Variants in IQGAP2 observed in about 807,000 individuals in gnomAD.
IQGAP2 encodes the protein ras GTPase-activating-like protein IQGAP2.
In IQGAP2, 173 loss-of-function variants were observed where a neutral mutation model predicts 201.3. The ratio of observed to expected loss-of-function variants is 0.86; its 90% CI spans 0.76 to 0.98. The LOEUF (loss-of-function observed/expected upper bound fraction) is 0.98. Ranked by LOEUF, IQGAP2 falls within the 50% of genes least tolerant of loss-of-function variation. IQGAP2 has a pLI of 0.00. For synonymous variants in IQGAP2, 675 were observed against 673.9 expected (o/e 1.00, Z -0.03); for missense variants, 1,687 against 1,864.8 (o/e 0.90, Z 1.76).
At chr5:76,459,040 C>T (rs915797127) in intron 1 of IQGAP2, among the ~76,000 whole-genome samples, 2 of 152,134 alleles carry the variant, frequency 1.3e-5, no homozygotes, top group African/African-American at 4.8e-5. Context: ...AAAGTGCCCA[C>T]TGGGTCAAGC....
At chr5:76,577,585 G>C (rs1406355549) in intron 5 of IQGAP2, among the ~76,000 whole-genome samples, 1 of 152,162 alleles carries the variant, frequency 6.6e-6, no homozygotes, top group African/African-American at 2.4e-5. Flanking sequence ...TTGTATAGCT[G>C]CCTCTCACTA....
At chr5:76,429,362 G>A (rs778332812) in intron 1 of IQGAP2, among the ~76,000 whole-genome samples, 12 of 151,398 alleles carry the variant, frequency 7.9e-5, no homozygotes, top group Middle Eastern at 3.2e-3. Flanking sequence ...CACGAGGTCC[G>A]GAGATCGAGA....
At chr5:76,516,403 T>C (rs1758324369) in intron 2 of IQGAP2, among the ~76,000 whole-genome samples, 1 of 152,218 alleles carries the variant, frequency 6.6e-6, no homozygotes, top group Non-Finnish European at 1.5e-5. Context: ...TTTGTTTCAC[T>C]TATAAAAATC....
intron 16 of IQGAP2, among the ~76,000 whole-genome samples, chr5:76,638,044 T>C (rs958093507): frequency 1.3e-5 from 2 of 152,258 alleles, no homozygotes; most frequent in African/African-American, 2.4e-5. Context: ...TAGTACCTGT[T>C]TGAGCTTCTT....
intron 2 of IQGAP2, among the ~76,000 whole-genome samples, chr5:76,484,330 T>TGTGGGGGCGCAGGTTGTGACAG (rs1227746643): frequency 6.6e-6 from 1 of 152,200 alleles, no homozygotes; most frequent in African/African-American, 2.4e-5. Flanking sequence ...CCATTGCAGA[T>TGTGGGGGCGCAGGTTGTGACAG]GTGGGGGCGC....
chr5:76,496,928 C>T (rs1452020632), intron 2 of IQGAP2, among the ~76,000 whole-genome samples: 1 of 151,942 alleles, frequency 6.6e-6, no homozygotes, highest in Non-Finnish European at 1.5e-5. Flanking sequence ...CTCCTGTGTT[C>T]AAGCGATTCT....
intron 1 of IQGAP2, among the ~76,000 whole-genome samples, chr5:76,417,106 G>A (rs1386251672): frequency 6.6e-6 from 1 of 152,136 alleles, no homozygotes; most frequent in African/African-American, 2.4e-5. Context: ...TCAAAAGAGG[G>A]TGAGGTATGG....
rs528767614 is a variant in IQGAP2 at position 76,679,372 on chromosome 5, T to A, written c.3660+2022T>A. On this transcript the variant is annotated intron_variant, in intron 28 of 35. Coordinates refer to ENST00000274364, the MANE Select transcript of IQGAP2 (RefSeq NM_006633.5). The stretch of plus-strand genomic sequence containing the variant: ...GTGACTGATTTGGAATTCCTTCCTG[T>A]GTTAGGTTAGAAGCAGATGTAATGT... Among the ~76,000 whole-genome samples the A allele has an allele frequency of 1.1e-3, 165 of 152,312 alleles. 1 individual carries two copies. The highest frequency in any genetic ancestry group is 1.3e-4 in the Non-Finnish European group (9 of 68,020).
intron 1 of IQGAP2, among the ~76,000 whole-genome samples, chr5:76,414,042 T>G (rs983084019): frequency 6.6e-6 from 1 of 152,202 alleles, no homozygotes; most frequent in Admixed American, 6.5e-5. Context: ...CTGAGAGGAC[T>G]AACTGGAATG....
chr5:76,403,920 C>G lies in IQGAP2; in HGVS notation c.46+329C>G, dbSNP rs928188053. Among the ~76,000 whole-genome samples, 1 of 152,192 alleles carries G rather than the reference C, an allele frequency of 6.6e-6. No homozygotes were observed. The highest frequency in any genetic ancestry group is 1.5e-5 in the Non-Finnish European group (1 of 68,026). ...GGTATCAGGTGAGGAGTCCGCGGAGCTCCGGGTCGCCGCCGGCTTGGGCCA... is the reference window on the plus strand; with the variant it reads ...GGTATCAGGTGAGGAGTCCGCGGAGGTCCGGGTCGCCGCCGGCTTGGGCCA... On this transcript the variant is annotated intron_variant, in intron 1 of 35. Coordinates refer to ENST00000274364, the MANE Select transcript of IQGAP2 (RefSeq NM_006633.5). The surrounding 1 kb of genome is among the most constrained non-coding windows in gnomAD (Gnocchi z 4.8).
chr5:76,661,292 G>C (rs2150454271), intron 21 of IQGAP2, among the ~76,000 whole-genome samples: 1 of 152,168 alleles, frequency 6.6e-6, no homozygotes, highest in South Asian at 2.1e-4. Flanking sequence ...GGCTAACATT[G>C]GTTTTAGGCA....
rs957413427 is a variant in IQGAP2, at chr5:76,520,170, A to C, written c.147-42226A>C. Reference sequence around the variant, plus strand: ...TTTTCCCAAGAGTTTTATGTTTTACATGTAGGTCTGTAACAATTTCGGGTT... The same window carrying C: ...TTTTCCCAAGAGTTTTATGTTTTACCTGTAGGTCTGTAACAATTTCGGGTT... On this transcript the variant is annotated intron_variant, in intron 2 of 35. Transcript: ENST00000274364. Among the ~76,000 whole-genome samples, 5 of 151,620 alleles carry C rather than the reference A, an allele frequency of 3.3e-5. 1 individual carries two copies.
intron 1 of IQGAP2, among the ~76,000 whole-genome samples, chr5:76,449,633 C>T (rs1026146700): frequency 2.0e-5 from 3 of 152,168 alleles, no homozygotes; most frequent in African/African-American, 7.2e-5. Context: ...AATTCTCTGC[C>T]AGCACTTTGC....
intron 2 of IQGAP2, among the ~76,000 whole-genome samples, chr5:76,551,056 G>A (rs1743451618): frequency 1.3e-5 from 2 of 151,806 alleles, no homozygotes; most frequent in East Asian, 3.9e-4. Flanking sequence ...GGACGGGGTG[G>A]CTGCCGGGCG....
intron 2 of IQGAP2, among the ~76,000 whole-genome samples, chr5:76,555,472 G>A (rs1420843293): frequency 6.6e-6 from 1 of 152,184 alleles, no homozygotes; most frequent in East Asian, 1.9e-4. Context: ...CTGAACATCA[G>A]GCCAACTGTC....
chr5:76,665,082 A>G lies in IQGAP2; in HGVS notation c.2586A>G (p.Ile862Met). The G allele has an allele frequency of 6.2e-7, 1 of 1,601,860 alleles. No homozygotes were observed. The highest frequency in any genetic ancestry group is 8.6e-7 in the Non-Finnish European group (1 of 1,168,910). ...AGAAAAAAGGAGGAGAAATGGAAATACTGAATAACACCGACAACCAAGGAA... is the reference window on the plus strand; with the variant it reads ...AGAAAAAAGGAGGAGAAATGGAAATGCTGAATAACACCGACAACCAAGGAA... ...LNKKKGGEME[I>M]LNNTDNQGIK... Residue 862 changes from isoleucine (I) to methionine (M), a missense_variant, in exon 22 of 36, where the codon ATA becomes ATG. By Grantham distance (10) the Ile-to-Met change is conservative. Transcript: ENST00000274364.
chr5:76,654,270 A>G lies in IQGAP2; in HGVS notation c.2249A>G (p.His750Arg), dbSNP rs2150434515. The G allele has an allele frequency of 1.9e-6, 3 of 1,597,546 alleles. No homozygotes were observed. Among genetic ancestry groups the G allele is most frequent in the East Asian group, 4.5e-5 (2 of 44,602 alleles). ...TCAAGACTACAGTATTTCAGAGATC[A>G]TGTAAGAAAAATGCCTGTGGGATTT... The part of the protein sequence containing the change: ...YLSRLQYFRD[H>R]NNEIVKIQSL... Residue 750 changes from histidine to arginine, a missense_variant and splice_region_variant, in exon 19 of 36, where the codon CAT (histidine) becomes CGT (arginine). Physicochemically the swap from His to Arg is conservative, Grantham distance 29 (BLOSUM62 0). Transcript: ENST00000274364.
chr5:76,663,783 T>C (rs781715438), intron 21 of IQGAP2, among the ~76,000 whole-genome samples: 3 of 151,912 alleles, frequency 2.0e-5, no homozygotes, highest in Admixed American at 2.0e-4. Context: ...TCCTCCCATG[T>C]TGGCCTCCCA....
chr5:76,509,984 C>CTTTTTTTTTTTTT (rs11331690), intron 2 of IQGAP2, among the ~76,000 whole-genome samples: 31 of 138,014 alleles, frequency 2.2e-4, no homozygotes, highest in African/African-American at 3.8e-4. Context: ...AATTTTCTTT[C>CTTTTTTTTTTTTT]TTTTTTTTTT....
Sources: gnomAD v4.1 joint callset for allele counts (sites outside exome capture counted in the v4.1 genomes callset) on GRCh38, gnomAD v4.1.1 for gene constraint, Gnocchi (gnomAD v3.1) non-coding constraint, MANE v1.5 for transcripts, NCBI Gene and HGNC (gene_info 2026-07-23, HGNC 2026-07-21) for gene names.